The following BAZ1B variants were observed in gnomAD, a reference collection of about 807,000 sequenced individuals.
The protein encoded by BAZ1B is bromodomain adjacent to zinc finger domain 1B.
BAZ1B carries 22 observed loss-of-function variants against 153.8 expected under a neutral mutation model. That is an observed-to-expected ratio of 0.14 (90% confidence interval 0.10 to 0.20). BAZ1B has a LOEUF of 0.20. Among genes scored for constraint, BAZ1B ranks in the 10% least tolerant of loss-of-function variants. BAZ1B has a pLI of 1.00. For synonymous variants in BAZ1B, 676 were observed against 633.4 expected, an observed-to-expected ratio of 1.07 and a Z score of -1.01; for missense variants, 1,325 against 1,799.3, an observed-to-expected ratio of 0.74 and a Z score of 4.77.
intron 7 of BAZ1B, among the ~76,000 whole-genome samples, chr7:73,473,466 A>G (rs1449029590): frequency 6.6e-6 from 1 of 152,140 alleles, no homozygotes; most frequent in Non-Finnish European, 1.5e-5. Flanking sequence ...AGGCACGAGA[A>G]TAGCTTGAAC....
rs571565179 is a variant in BAZ1B, at chr7:73,481,785, C to T, written c.892-3216G>A. ...GGGCGGGGTGGCTCACGCCTGTAAT[C>T]CCAGCACTTTGGAAGGCTGAGGCGG... On this transcript the variant is annotated intron_variant, in intron 6 of 19. Coordinates refer to ENST00000339594, the MANE Select transcript of BAZ1B (RefSeq NM_032408.4). Among the ~76,000 whole-genome samples the T allele has an allele frequency of 6.6e-5, 10 of 152,282 alleles. No individual in the cohort carries two copies. In the East Asian group the frequency reaches 1.9e-3, roughly 29 times the overall value.
chr7:73,480,338 G>T (rs1554573512), intron 6 of BAZ1B, among the ~76,000 whole-genome samples: 1 of 151,848 alleles, frequency 6.6e-6, no homozygotes, highest in East Asian at 1.9e-4. Context: ...TATACAATCA[G>T]TTAACAGGTT....
At chr7:73,472,805 G>T (rs1040141240) in intron 7 of BAZ1B, among the ~76,000 whole-genome samples, 1 of 151,654 alleles carries the variant, frequency 6.6e-6, no homozygotes, top group Non-Finnish European at 1.5e-5. Context: ...TCATCAGGCT[G>T]GAGTGCAGTG....
At chr7:73,461,095 C>T (rs1554570316) in intron 12 of BAZ1B, among the ~76,000 whole-genome samples, 1 of 152,064 alleles carries the variant, frequency 6.6e-6, no homozygotes, top group Non-Finnish European at 1.5e-5. Flanking sequence ...TCTGCCTCAG[C>T]CTCCCGAGTA....
chr7:73,471,969 G>C (rs6977775), intron 7 of BAZ1B, among the ~76,000 whole-genome samples: 7,387 of 151,826 alleles, frequency 0.049, 209 homozygotes, highest in Non-Finnish European at 0.066. Context: ...ACCAACTTAG[G>C]ACAAGTCACC....
intron 4 of BAZ1B, among the ~76,000 whole-genome samples, chr7:73,497,277 A>C (rs974494102): frequency 3.3e-5 from 5 of 152,050 alleles, no homozygotes; most frequent in Admixed American, 6.6e-5. Flanking sequence ...GACAATTAGC[A>C]CTTTACTAGA....
intron 19 of BAZ1B, 36 bp downstream of exon 19, chr7:73,442,145 C>A: frequency 2.0e-5 from 13 of 634,624 alleles, no homozygotes; most frequent in South Asian, 3.9e-5. Context: ...CTCCCTCCCA[C>A]CCTCCCTAGC....
At chr7:73,454,481 A>G (rs549982528) in intron 13 of BAZ1B, among the ~76,000 whole-genome samples, 3 of 152,264 alleles carry the variant, frequency 2.0e-5, no homozygotes, top group East Asian at 1.9e-4. Flanking sequence ...CCCATATCAC[A>G]TATCATCCTC....
intron 7 of BAZ1B, among the ~76,000 whole-genome samples, chr7:73,471,026 C>T (rs1330204683): frequency 1.3e-5 from 2 of 152,204 alleles, no homozygotes; most frequent in East Asian, 1.9e-4. Flanking sequence ...TGAGCCACCA[C>T]ACCCAGCCAA....
rs1554572713 is a variant in BAZ1B, at chr7:73,476,031, T to C, written c.2593+837A>G. Among the ~76,000 whole-genome samples the C allele has an allele frequency of 2.0e-5, 3 of 152,242 alleles. No individual in the cohort carries two copies. The East Asian group carries it at 5.8e-4, about 29-fold the overall frequency. On this transcript the variant is annotated intron_variant, in intron 7 of 19. Coordinates refer to ENST00000339594, the MANE Select transcript of BAZ1B (RefSeq NM_032408.4). ...TTCAAGATTCATTCATGTTGTAGCA[T>C]GTAAAACATTATGCTAAGTGAAAGT...
At chr7:73,463,215 T>C in intron 11 of BAZ1B, 116 bp from the exon 12 acceptor site, 4 of 814,440 alleles carry the variant, frequency 4.9e-6, no homozygotes, top group Non-Finnish European at 5.7e-6. Context: ...CTCTTTCACC[T>C]CTCCCTGGTG....
At chr7:73,504,638 T>C (rs964467113) in intron 3 of BAZ1B, among the ~76,000 whole-genome samples, 2 of 151,808 alleles carry the variant, frequency 1.3e-5, no homozygotes, top group Admixed American at 6.6e-5. Context: ...GACTCCAGCC[T>C]GGGCGACAGA....
At chr7:73,506,830 G>A (rs1790362917) in intron 3 of BAZ1B, among the ~76,000 whole-genome samples, 1 of 137,610 alleles carries the variant, frequency 7.3e-6, no homozygotes, top group Non-Finnish European at 1.6e-5. Flanking sequence ...CAGCCTAGGC[G>A]ACAAGAGCGA....
chr7:73,452,757 G>A (rs542807739), intron 13 of BAZ1B, among the ~76,000 whole-genome samples: 1 of 150,364 alleles, frequency 6.7e-6, no homozygotes, highest in South Asian at 2.1e-4. Flanking sequence ...TACACATTCA[G>A]CAGGCTCCTC....
At chr7:73,444,775 G>A (rs1554566010) in intron 16 of BAZ1B, among the ~76,000 whole-genome samples, 1 of 152,114 alleles carries the variant, frequency 6.6e-6, no homozygotes, top group Non-Finnish European at 1.5e-5. Context: ...ACCACTTTAG[G>A]AGGCTGAGGC....
chr7:73,460,504 T>TTA (rs1481415945), intron 12 of BAZ1B, among the ~76,000 whole-genome samples: 1 of 152,164 alleles, frequency 6.6e-6, no homozygotes, highest in Non-Finnish European at 1.5e-5. Flanking sequence ...TTTTTTATTT[T>TTA]TAAAGAGATA....
chr7:73,519,842 T>C (rs782249345), intron 1 of BAZ1B, among the ~76,000 whole-genome samples: 124 of 152,160 alleles, frequency 8.1e-4, no homozygotes, highest in Non-Finnish European at 1.5e-3. Flanking sequence ...CTCAAAACAT[T>C]AATGACATTG....
At chr7:73,508,177 A>G (rs1177497895) in intron 3 of BAZ1B, 150 bp downstream of exon 3, 3 of 847,626 alleles carry the variant, frequency 3.5e-6, no homozygotes, top group African/African-American at 1.8e-5. Flanking sequence ...CCAAGAAAAC[A>G]CACAAGTATT....
At chr7:73,472,704 G>A (rs1475123233) in intron 7 of BAZ1B, among the ~76,000 whole-genome samples, 2 of 152,098 alleles carry the variant, frequency 1.3e-5, no homozygotes, top group East Asian at 1.9e-4. Flanking sequence ...AGCCTCCCAA[G>A]TAGCTGGGAT....
Sources: gnomAD v4.1 joint callset for allele counts (sites outside exome capture counted in the v4.1 genomes callset) on GRCh38, gnomAD v4.1.1 for gene constraint, MANE v1.5 for transcripts, NCBI Gene and HGNC (gene_info 2026-07-23, HGNC 2026-07-21) for gene names.